Variants in IFT25 observed in about 807,000 individuals in gnomAD.
IFT25 encodes intraflagellar transport 25, also known as intraflagellar transport protein 25 homolog.
chr1:53,935,913 C>A, the IFT25 span, among the ~76,000 whole-genome samples: 5 of 152,104 alleles, frequency 3.3e-5, no homozygotes, highest in African/African-American at 1.2e-4. Flanking sequence ...TCTTTGGATG[C>A]TTTCAATGAA....
the IFT25 span, among the ~76,000 whole-genome samples, chr1:53,931,367 A>G: frequency 2.0e-5 from 3 of 152,352 alleles, no homozygotes; most frequent in Admixed American, 2.0e-4. Flanking sequence ...TCAGCTTTCC[A>G]AAGTGGTTGT....
the IFT25 span, among the ~76,000 whole-genome samples, chr1:53,937,220 G>A: frequency 2.0e-5 from 3 of 152,166 alleles, no homozygotes; most frequent in African/African-American, 4.8e-5. Context: ...GGGTTCAAGC[G>A]ATTCTCGTGC....
chr1:53,945,066 A>AC, the IFT25 span, among the ~76,000 whole-genome samples: 2 of 152,112 alleles, frequency 1.3e-5, no homozygotes, highest in African/African-American at 4.8e-5. Context: ...GGCCAGGGCC[A>AC]CGGCTTCCAA....
At chr1:53,911,731 TA>T in the IFT25 span, among the ~76,000 whole-genome samples, 2 of 152,186 alleles carry the variant, frequency 1.3e-5, no homozygotes, top group African/African-American at 4.8e-5. Context: ...ACCGGATCTC[TA>T]ACTTCAAGGC....
the IFT25 span, chr1:53,921,664 T>C: frequency 1.3e-6 from 2 of 1,596,652 alleles, no homozygotes; most frequent in Non-Finnish European, 1.7e-6. Flanking sequence ...TGAGGAAAGA[T>C]TTGAGACTAC....
the IFT25 span, among the ~76,000 whole-genome samples, chr1:53,915,061 T>C: frequency 2.6e-5 from 4 of 152,232 alleles, no homozygotes; most frequent in Non-Finnish European, 4.4e-5. Context: ...AAAATTCATA[T>C]ATTGTTGACT....
the IFT25 span, among the ~76,000 whole-genome samples, chr1:53,912,893 C>T: frequency 1.3e-5 from 2 of 152,190 alleles, no homozygotes; most frequent in Non-Finnish European, 2.9e-5. Flanking sequence ...AGGGAATTTG[C>T]ATTACTAACA....
chr1:53,937,199 T>C, the IFT25 span, among the ~76,000 whole-genome samples: 1 of 152,146 alleles, frequency 6.6e-6, no homozygotes, highest in African/African-American at 2.4e-5. Flanking sequence ...CTCACTGAAC[T>C]TCCACCTCCT....
the IFT25 span, among the ~76,000 whole-genome samples, chr1:53,943,609 T>C: frequency 5.9e-5 from 9 of 151,900 alleles, no homozygotes; most frequent in African/African-American, 2.2e-4. Flanking sequence ...AATGTGAGGG[T>C]TGGAGATGTA....
the IFT25 span, chr1:53,921,646 T>C: frequency 6.6e-7 from 1 of 1,525,320 alleles, no homozygotes; most frequent in Non-Finnish European, 9.1e-7. Flanking sequence ...AGCATTTTGT[T>C]ATCATTATGA....
At chr1:53,929,809 C>A in the IFT25 span, 1 of 508,702 alleles carries the variant, frequency 2.0e-6, no homozygotes, top group Non-Finnish European at 3.0e-6. Flanking sequence ...TTCGAATTTG[C>A]AGTTTGAGAG....
chr1:53,946,013 T>C, the IFT25 span: 1 of 110,982 alleles, frequency 9.0e-6, no homozygotes, highest in Non-Finnish European at 1.9e-5. Flanking sequence ...CTCCTACCCC[T>C]AGCTCTTAGC....
the IFT25 span, among the ~76,000 whole-genome samples, chr1:53,941,662 A>C: frequency 2.6e-5 from 4 of 152,238 alleles, no homozygotes; most frequent in Non-Finnish European, 5.9e-5. Flanking sequence ...GAATTCTGTA[A>C]ATACAGATTG....
At chr1:53,916,360 G>A in the IFT25 span, among the ~76,000 whole-genome samples, 2,205 of 152,178 alleles carry the variant, frequency 0.014, 59 homozygotes, top group African/African-American at 0.05. Flanking sequence ...TTCAAATACC[G>A]TATATGAAAT....
chr1:53,935,953 C>A, the IFT25 span, among the ~76,000 whole-genome samples: 35 of 152,062 alleles, frequency 2.3e-4, no homozygotes, highest in Admixed American at 5.9e-4. Context: ...TAAAATATCA[C>A]CTGAATTTTA....
At chr1:53,923,910 T>G in the IFT25 span, 1,687 of 1,583,086 alleles carry the variant, frequency 1.1e-3, no homozygotes, top group Admixed American at 1.5e-3. Context: ...TTACCACAAT[T>G]TCTTCATTTT....
the IFT25 span, among the ~76,000 whole-genome samples, chr1:53,938,255 G>A: frequency 7.2e-5 from 11 of 152,276 alleles, no homozygotes; most frequent in South Asian, 2.1e-4. Context: ...GTGTTTATAT[G>A]TATGTGTGTA....
the IFT25 span, among the ~76,000 whole-genome samples, chr1:53,934,582 T>C: frequency 1.3e-5 from 2 of 152,220 alleles, no homozygotes; most frequent in Admixed American, 1.3e-4. Flanking sequence ...ACAACCCAGA[T>C]GTCCATCAAC....
At chr1:53,936,228 C>T in the IFT25 span, among the ~76,000 whole-genome samples, 1 of 152,158 alleles carries the variant, frequency 6.6e-6, no homozygotes, top group East Asian at 1.9e-4. Flanking sequence ...GCAGAGGTTG[C>T]AGTAAGCCGA....
Sources: allele counts gnomAD v4.1 joint callset (sites outside exome capture counted in the v4.1 genomes callset), GRCh38; gene constraint gnomAD v4.1.1; transcripts MANE v1.5; gene names NCBI Gene and HGNC (gene_info 2026-07-23, HGNC 2026-07-21).